Variants in MED16 observed in about 807,000 individuals in gnomAD.
The protein encoded by MED16 is mediator complex subunit 16, also known as mediator of RNA polymerase II transcription subunit 16.
MED16 carries 81 observed loss-of-function variants against 84.4 expected under a neutral mutation model. The observed-to-expected ratio is 0.96, with a 90% CI of 0.80 to 1.15. The LOEUF (loss-of-function observed/expected upper bound fraction) is 1.15. Among genes scored for constraint, MED16 ranks in the 50% most tolerant of loss-of-function variants. The probability of loss-of-function intolerance (pLI) is 0.00; values close to 1 mark genes in which losing one functional copy is unlikely to be tolerated. For synonymous variants in MED16, 897 were observed against 552.2 expected, an observed-to-expected ratio of 1.62 and a Z score of -8.76; for missense variants, 1,585 against 1,245.9, an observed-to-expected ratio of 1.27 and a Z score of -4.10.
intron 8 of MED16, among the ~76,000 whole-genome samples, chr19:878,728 T>TA: frequency 1.6e-5 from 2 of 122,736 alleles, no homozygotes; most frequent in Non-Finnish European, 3.2e-5. Context: ...TGGTTGTCAA[T>TA]CCCCACCAGG....
chr19:885,464 C>T (rs898774578), intron 5 of MED16, among the ~76,000 whole-genome samples: 8 of 151,860 alleles, frequency 5.3e-5, no homozygotes, highest in Non-Finnish European at 5.9e-5. Context: ...GGGGGGGGTC[C>T]GGGGGCCCCA....
rs764539710 is a variant in MED16, at chr19:868,397, C to A, written c.2483+19G>T. 6.2e-7 allele frequency: 1 copy of A among 1,607,840 alleles called. No individual in the cohort carries two copies. On this transcript the variant is annotated intron_variant, in intron 15 of 15. Transcript: ENST00000325464. The stretch of plus-strand genomic sequence containing the variant: ...CTCAGGGGTAGCTGAGGGGCACCCG[C>A]CACCAGAGCCCACCGCACAGGCAGT...
chr19:872,530 G>A (rs1363063710), intron 11 of MED16, among the ~76,000 whole-genome samples: 1 of 151,958 alleles, frequency 6.6e-6, no homozygotes, highest in Non-Finnish European at 1.5e-5. Context: ...CCCACAAAAA[G>A]AAGAGAGGGA....
At chr19:877,256 G>T in intron 8 of MED16, 76 bp from the exon 9 acceptor site, 1 of 1,436,880 alleles carries the variant, frequency 7.0e-7, no homozygotes, top group South Asian at 1.2e-5. Flanking sequence ...TGGGGCCCTG[G>T]GGCTGCGGCA....
chr19:868,399 A>C lies in MED16; in HGVS notation c.2483+17T>G. 1 of 1,608,234 alleles carries C rather than the reference A, an allele frequency of 6.2e-7. No homozygotes were observed. The highest frequency in any genetic ancestry group is 8.5e-7 in the Non-Finnish European group (1 of 1,179,684). On this transcript the variant is annotated intron_variant, in intron 15 of 15. Transcript: ENST00000325464. The stretch of plus-strand genomic sequence containing the variant: ...CAGGGGTAGCTGAGGGGCACCCGCC[A>C]CCAGAGCCCACCGCACAGGCAGTTC...
intron 7 of MED16, among the ~76,000 whole-genome samples, chr19:880,952 G>A (rs953598004): frequency 2.0e-5 from 3 of 151,848 alleles, no homozygotes; most frequent in African/African-American, 4.8e-5. Flanking sequence ...AAAAAATAGA[G>A]CCTGGAAAAT....
At chr19:891,456 C>T (rs1028668804) in intron 1 of MED16, among the ~76,000 whole-genome samples, 1 of 152,144 alleles carries the variant, frequency 6.6e-6, no homozygotes, top group Non-Finnish European at 1.5e-5. Context: ...AGGGCACAGC[C>T]GGGAGACGCA....
At chr19:868,643 T>C (rs1599311097) in intron 14 of MED16, 144 bp from the exon 15 acceptor site, 35 of 1,219,288 alleles carry the variant, frequency 2.9e-5, no homozygotes, top group East Asian at 7.6e-5. Context: ...ACAGGGCCTC[T>C]GCCCATGCTT....
intron 1 of MED16, among the ~76,000 whole-genome samples, chr19:891,991 C>T (rs1196021659): frequency 2.2e-5 from 2 of 92,268 alleles, no homozygotes; most frequent in East Asian, 3.4e-4. Context: ...GTGGCCGAGG[C>T]GGGGCTGAGT....
Position 868,952 on chromosome 19 carries a change from G to A in MED16, c.2316-6C>T, listed in dbSNP as rs77196903. 274 of 1,533,666 alleles carry A rather than the reference G, an allele frequency of 1.8e-4. 1 individual carries two copies. In the East Asian group the frequency reaches 5.6e-3, roughly 31 times the overall value. On this transcript the variant is annotated splice_polypyrimidine_tract_variant and splice_region_variant and intron_variant, in intron 13 of 15. Transcript: ENST00000325464. ...TCTTGGGCTGGCCTGGGGCCCTGGCGGGAGAGGGGAGAACGTGAGGGAGGC... is the reference window on the plus strand; with the variant it reads ...TCTTGGGCTGGCCTGGGGCCCTGGCAGGAGAGGGGAGAACGTGAGGGAGGC...
At chr19:872,148 G>A (rs1599318405) in intron 11 of MED16, 30 bp from the exon 12 acceptor site, 1 of 1,568,838 alleles carries the variant, frequency 6.4e-7, no homozygotes, top group Non-Finnish European at 8.7e-7. Context: ...GTGTGGCTGG[G>A]GCGGCGGGGG....
Position 890,996 on chromosome 19 carries a change from C to T in MED16, c.136G>A (p.Ala46Thr), listed in dbSNP as rs900635805. 4 of 1,613,926 alleles carry T rather than the reference C, an allele frequency of 2.5e-6. No individual in the cohort carries two copies. The highest frequency in any genetic ancestry group is 2.2e-5 in the South Asian group (2 of 91,078). The change falls in exon 2 of 16, where the codon GCC becomes ACC. Residue 46 changes from alanine to threonine, a missense_variant. Ala to Thr is a moderately conservative substitution (Grantham distance 58). Transcript: ENST00000325464. ...TCGCTGCGCAGGTCCATGGTGAAGG[C>T]GATGAGATTTCGGCAGGACCAGGCG... ...ACAWSCRNLI[A>T]FTMDLRSDDQ... is the part of the protein sequence containing the mutation.
chr19:873,904 G>T (rs1012966492), intron 10 of MED16, among the ~76,000 whole-genome samples: 3 of 152,110 alleles, frequency 2.0e-5, no homozygotes, highest in Non-Finnish European at 4.4e-5. Flanking sequence ...CCCCTGCTCC[G>T]AGGTGAACTC....
At chr19:880,565 G>T (rs1228146952) in intron 7 of MED16, among the ~76,000 whole-genome samples, 1 of 152,176 alleles carries the variant, frequency 6.6e-6, no homozygotes, top group Non-Finnish European at 1.5e-5. Flanking sequence ...GGGCCGGGGG[G>T]AGGTGGGGTC....
At chr19:883,009 A>G (rs2036451725) in intron 6 of MED16, among the ~76,000 whole-genome samples, 1 of 152,202 alleles carries the variant, frequency 6.6e-6, no homozygotes, top group Non-Finnish European at 1.5e-5. Context: ...GAAAGACAGG[A>G]AACTCAACGC....
Position 871,911 on chromosome 19 carries a change from G to C in MED16, c.2098+15C>G, listed in dbSNP as rs761759578. The C allele has an allele frequency of 1.3e-6, 2 of 1,500,158 alleles. No homozygotes were observed. The highest frequency in any genetic ancestry group is 1.8e-6 in the Non-Finnish European group (2 of 1,132,634). 92.9% of individuals were successfully genotyped at this position (1,500,158 alleles called of 1,614,324 possible). A position where few individuals can be genotyped will look rare whatever the true frequency, so the allele number is the denominator to read the frequency against. Reference sequence around the variant, plus strand: ...GGGAGCGGGGAGAGGGGAGGGGCGGGCGGGGGTGCCTCACAGCAGATCCAG... The same window carrying C: ...GGGAGCGGGGAGAGGGGAGGGGCGGCCGGGGGTGCCTCACAGCAGATCCAG... On this transcript the variant is annotated intron_variant, in intron 12 of 15. Transcript: ENST00000325464.
At chr19:872,606 G>A (rs1467474351) in intron 11 of MED16, among the ~76,000 whole-genome samples, 2 of 151,658 alleles carry the variant, frequency 1.3e-5, no homozygotes, top group African/African-American at 4.8e-5. Context: ...AAGCCGGGTG[G>A]GTGGGGCAGA....
At position 867,999 on chromosome 19, in the gene MED16, A is replaced by G; in HGVS notation, c.*102T>C. ...GGCGTTTATTGGACCTGTCCTTCCC[A>G]GCCGCTGCTTGTCCAGGTTCAGCGC... On this transcript the variant is annotated 3_prime_UTR_variant, in exon 16 of 16. Coordinates refer to ENST00000325464, the MANE Select transcript of MED16 (RefSeq NM_005481.3). 7.0e-7 allele frequency: 1 copy of G among 1,436,766 alleles called. No individual in the cohort carries two copies. The highest frequency in any genetic ancestry group is 1.4e-5 in the South Asian group (1 of 72,154). The allele number at this position is 1,436,766 out of a possible 1,614,324, so 89.0% of individuals were successfully genotyped here.
intron 6 of MED16, among the ~76,000 whole-genome samples, chr19:884,284 G>A (rs1017503589): frequency 6.6e-6 from 1 of 152,196 alleles, no homozygotes; most frequent in African/African-American, 2.4e-5. Flanking sequence ...ATAGCAGGCG[G>A]GCGTCCCTGC....
Sources: allele counts gnomAD v4.1 joint callset (sites outside exome capture counted in the v4.1 genomes callset), GRCh38; gene constraint gnomAD v4.1.1; transcripts MANE v1.5; gene names NCBI Gene and HGNC (gene_info 2026-07-23, HGNC 2026-07-21).